Variants in C1orf146 observed in about 807,000 individuals in gnomAD.
C1orf146 encodes the protein chromosome 1 open reading frame 146, also known as protein SPO16 homolog.
Under a neutral mutation model 23.0 loss-of-function variants are expected in C1orf146, and 22 were observed. The ratio of observed to expected loss-of-function variants is 0.96; its 90% CI spans 0.68 to 1.36. C1orf146 has a LOEUF of 1.36. Among genes scored for constraint, C1orf146 ranks in the 40% most tolerant of loss-of-function variants. C1orf146 has a pLI of 0.00. For missense variants in C1orf146, 199 were observed against 206.8 expected (o/e 0.96, Z 0.23); for synonymous variants, 59 against 65.3 (o/e 0.90, Z 0.47).
chr1:92,228,273 A>G (rs1381240086), intron 1 of C1orf146, among the ~76,000 whole-genome samples: 2 of 152,178 alleles, frequency 1.3e-5, no homozygotes, highest in South Asian at 2.1e-4. Context: ...CAATTGTCAT[A>G]TACTGCTTTG....
chr1:92,238,649 C>A (rs1407116184), intron 2 of C1orf146, among the ~76,000 whole-genome samples: 1 of 151,554 alleles, frequency 6.6e-6, no homozygotes, highest in African/African-American at 2.4e-5. Flanking sequence ...TAGTTGGCTC[C>A]TCCTCCTCCT....
intron 2 of C1orf146, among the ~76,000 whole-genome samples, chr1:92,234,266 T>C (rs1652215562): frequency 6.6e-6 from 1 of 152,236 alleles, no homozygotes; most frequent in Non-Finnish European, 1.5e-5. Flanking sequence ...ATAGCTGTTA[T>C]TATTTTGAGA....
intron 2 of C1orf146, among the ~76,000 whole-genome samples, chr1:92,235,865 T>C (rs1347357621): frequency 6.6e-6 from 1 of 152,170 alleles, no homozygotes; most frequent in Non-Finnish European, 1.5e-5. Context: ...CATTATGTAA[T>C]GGCCTTCTTT....
intron 2 of C1orf146, among the ~76,000 whole-genome samples, chr1:92,239,622 C>T (rs1329804969): frequency 6.6e-6 from 1 of 151,942 alleles, no homozygotes; most frequent in Admixed American, 6.5e-5. Context: ...CATGGTGGTG[C>T]ATGCCTGTAA....
chr1:92,229,875 A>C (rs1183592012), intron 1 of C1orf146, among the ~76,000 whole-genome samples: 1 of 152,192 alleles, frequency 6.6e-6, no homozygotes, highest in African/African-American at 2.4e-5. Flanking sequence ...ATGTGGAGAT[A>C]TGACTTTAGG....
At chr1:92,219,722 A>C (rs1651774895) in intron 1 of C1orf146, among the ~76,000 whole-genome samples, 1 of 151,986 alleles carries the variant, frequency 6.6e-6, no homozygotes, top group South Asian at 2.1e-4. Flanking sequence ...AGGTGCAAAC[A>C]TAATGCACTG....
intron 1 of C1orf146, among the ~76,000 whole-genome samples, chr1:92,222,306 A>G (rs1001959390): frequency 2.0e-5 from 3 of 152,134 alleles, no homozygotes; most frequent in African/African-American, 7.2e-5. Context: ...GCAGTATAAC[A>G]TATGCATGTA....
chr1:92,219,640 C>T (rs1202977893), intron 1 of C1orf146, among the ~76,000 whole-genome samples: 1 of 151,596 alleles, frequency 6.6e-6, no homozygotes, highest in Non-Finnish European at 1.5e-5. Context: ...ATATTCCCCA[C>T]CCCCACTGTT....
intron 3 of C1orf146, 114 bp downstream of exon 3, chr1:92,242,419 G>A (rs890323426): frequency 4.2e-5 from 20 of 474,456 alleles, no homozygotes; most frequent in Non-Finnish European, 3.1e-5. Flanking sequence ...AAGGGTAAAT[G>A]TGTAAAACTT....
chr1:92,221,125 T>C (rs1651807635), intron 1 of C1orf146, among the ~76,000 whole-genome samples: 1 of 152,140 alleles, frequency 6.6e-6, no homozygotes, highest in South Asian at 2.1e-4. Flanking sequence ...AAAATGAACA[T>C]ATACATCATA....
chr1:92,232,524 G>C (rs1291996746), intron 2 of C1orf146, among the ~76,000 whole-genome samples: 1 of 152,010 alleles, frequency 6.6e-6, no homozygotes, highest in Non-Finnish European at 1.5e-5. Flanking sequence ...GGACATTTGG[G>C]TTGGTTCCAA....
intron 1 of C1orf146, chr1:92,228,996 A>C: frequency 2.1e-6 from 1 of 466,312 alleles, no homozygotes; most frequent in South Asian, 1.8e-5. Flanking sequence ...AAAGCTATGC[A>C]TCTGCTCACA....
chr1:92,236,846 CATT>C (rs1413556043), intron 2 of C1orf146, among the ~76,000 whole-genome samples: 3 of 152,166 alleles, frequency 2.0e-5, no homozygotes, highest in Non-Finnish European at 4.4e-5. Context: ...CTTCTCGCTT[CATT>C]TCATTCATTT....
At chr1:92,233,502 G>C (rs1307664462) in intron 2 of C1orf146, among the ~76,000 whole-genome samples, 2 of 152,046 alleles carry the variant, frequency 1.3e-5, no homozygotes, top group African/African-American at 4.8e-5. Context: ...ATGCTGTTTT[G>C]GTTACTGTAG....
At chr1:92,221,788 T>G (rs1651823677) in intron 1 of C1orf146, among the ~76,000 whole-genome samples, 1 of 152,208 alleles carries the variant, frequency 6.6e-6, no homozygotes, top group African/African-American at 2.4e-5. Flanking sequence ...CAATTGGCAT[T>G]GGAGTAGCCA....
intron 2 of C1orf146, among the ~76,000 whole-genome samples, chr1:92,234,804 A>G (rs946315924): frequency 1.1e-4 from 17 of 152,314 alleles, no homozygotes; most frequent in African/African-American, 3.4e-4. Flanking sequence ...TTATTGGTCT[A>G]TTCAGAGATT....
intron 2 of C1orf146, 67 bp downstream of exon 2, chr1:92,231,553 A>G (rs1570791315): frequency 9.4e-7 from 1 of 1,068,968 alleles, no homozygotes; most frequent in South Asian, 1.6e-5. Context: ...ATATAGAACA[A>G]CATTTTAAAA....
intron 3 of C1orf146, 86 bp downstream of exon 3, chr1:92,242,391 A>C: frequency 1.5e-6 from 1 of 683,292 alleles, no homozygotes; most frequent in African/African-American, 1.8e-5. Context: ...GTAACCATGT[A>C]ATGTATTATC....
intron 4 of C1orf146, 35 bp downstream of exon 4, chr1:92,244,420 T>A (rs1345117630): frequency 6.8e-7 from 1 of 1,470,652 alleles, no homozygotes; most frequent in African/African-American, 1.4e-5. Flanking sequence ...TTATTTTTCT[T>A]ATATTGTATT....
Sources: gnomAD v4.1 joint callset for allele counts (sites outside exome capture counted in the v4.1 genomes callset) on GRCh38, gnomAD v4.1.1 for gene constraint, MANE v1.5 for transcripts, NCBI Gene and HGNC (gene_info 2026-07-23, HGNC 2026-07-21) for gene names.